PKP1: variants seen among roughly 807,000 people sequenced by gnomAD.
PKP1 encodes plakophilin-1.
A neutral mutation model predicts 76.4 loss-of-function variants in PKP1; 27 were observed. The observed-to-expected ratio is 0.35, with a 90% confidence interval of 0.26 to 0.49. The LOEUF (loss-of-function observed/expected upper bound fraction) is 0.49, where lower values mean the gene tolerates loss of function less well. Ranked by LOEUF, PKP1 falls within the 20% of genes least tolerant of loss-of-function variation. The pLI is 0.99. For synonymous variants in PKP1, 404 were observed against 384.2 expected (o/e 1.05, Z -0.60); for missense variants, 964 against 955.2 (o/e 1.01, Z -0.12).
intron 2 of PKP1, among the ~76,000 whole-genome samples, chr1:201,304,362 T>C (rs2102164565): frequency 6.6e-6 from 1 of 152,322 alleles, no homozygotes; most frequent in Middle Eastern, 3.4e-3. Flanking sequence ...AGAGTACCAC[T>C]AAGGGTGGCT....
chr1:201,317,551 G>C (rs200793425), intron 4 of PKP1, 21 bp from the exon 5 acceptor site: 2 of 1,603,882 alleles, frequency 1.2e-6, no homozygotes, highest in African/African-American at 2.7e-5. Flanking sequence ...ACCAGGCAGC[G>C]TGGCAACTCT....
chr1:201,318,350 C>T (rs547853990), intron 5 of PKP1, among the ~76,000 whole-genome samples: 2 of 152,334 alleles, frequency 1.3e-5, no homozygotes, highest in Non-Finnish European at 1.5e-5. Context: ...ATCAATCAAA[C>T]GTTTTTTGAT....
chr1:201,288,710 G>A (rs2268150), intron 1 of PKP1, among the ~76,000 whole-genome samples: 75,375 of 151,962 alleles, frequency 0.5, 21,047 homozygotes, highest in East Asian at 0.76. Context: ...ACCTGAACCC[G>A]TCAACCCTTG....
intron 12 of PKP1, among the ~76,000 whole-genome samples, chr1:201,327,031 G>A (rs1657145904): frequency 6.6e-6 from 1 of 152,212 alleles, no homozygotes; most frequent in African/African-American, 2.4e-5. Context: ...GAAGTCTCTG[G>A]AGCCGTCCAG....
intron 7 of PKP1, among the ~76,000 whole-genome samples, chr1:201,321,129 C>T (rs1053260298): frequency 6.6e-6 from 1 of 152,086 alleles, no homozygotes; most frequent in Non-Finnish European, 1.5e-5. Flanking sequence ...GCACAGTTGC[C>T]GTAAGGAGGG....
rs1407567667 is a variant in PKP1 at position 201,293,942 on chromosome 1, G to A, written c.203G>A (p.Gly68Asp). The A allele has an allele frequency of 3.1e-6, 5 of 1,607,708 alleles. No homozygotes were observed. In the East Asian group the frequency reaches 1.1e-4, roughly 36 times the overall value. Residue 68 changes from glycine to aspartate, a missense_variant and splice_region_variant, in exon 2 of 14, where the codon GGT becomes GAT. Coordinates refer to ENST00000367324, the MANE Select transcript of PKP1 (RefSeq NM_001005337.3). Reference sequence around the variant, plus strand: ...CCTAATCCCCTCCTTTCTCCTCTAGGTTCCATGTATGATGGCTTGGCTGAC... The same window carrying A: ...CCTAATCCCCTCCTTTCTCCTCTAGATTCCATGTATGATGGCTTGGCTGAC... ...QSSTLSHSNR[G>D]SMYDGLADNY...
chr1:201,324,056 A>G (rs1393488018), intron 9 of PKP1, among the ~76,000 whole-genome samples: 2 of 152,226 alleles, frequency 1.3e-5, no homozygotes, highest in African/African-American at 4.8e-5. Flanking sequence ...CCTTGACCAT[A>G]TAGTTTCACA....
rs954973948 is a variant in PKP1, at chr1:201,324,953, T to C, written c.1847T>C (p.Phe616Ser). ...GTTCCTCTCCCAGGGAACCAGGTGTTCCCGGAGGTGACCAGGCTCCTCACC... is the reference window on the plus strand; with the variant it reads ...GTTCCTCTCCCAGGGAACCAGGTGTCCCCGGAGGTGACCAGGCTCCTCACC... ...LLHRVMGNQV[F>S]PEVTRLLTSH... Residue 616 changes from phenylalanine to serine, a missense_variant, in exon 11 of 14, where the codon TTC (phenylalanine) becomes TCC (serine). By Grantham distance (155) the Phe-to-Ser change is radical (BLOSUM62 -2). Transcript: ENST00000367324. 1 of 1,613,410 alleles carries C rather than the reference T, an allele frequency of 6.2e-7. No homozygotes were observed. Among genetic ancestry groups the C allele is most frequent in the Non-Finnish European group, 8.5e-7 (1 of 1,179,976 alleles).
At chr1:201,303,114 A>C (rs1471799299) in intron 2 of PKP1, among the ~76,000 whole-genome samples, 1 of 152,254 alleles carries the variant, frequency 6.6e-6, no homozygotes, top group Non-Finnish European at 1.5e-5. Flanking sequence ...AATTTTTGCA[A>C]AATCATACCA....
intron 2 of PKP1, among the ~76,000 whole-genome samples, chr1:201,306,935 G>T (rs915925755): frequency 9.9e-5 from 15 of 152,208 alleles, no homozygotes; most frequent in African/African-American, 3.1e-4. Flanking sequence ...CTCCCAAAGT[G>T]CTGGGATTAC....
chr1:201,311,130 C>T (rs952900189), intron 2 of PKP1, among the ~76,000 whole-genome samples: 6 of 152,234 alleles, frequency 3.9e-5, no homozygotes, highest in Non-Finnish European at 8.8e-5. Flanking sequence ...TTAGCTGGCT[C>T]TTTGCCCTTT....
Position 201,286,881 on chromosome 1 carries a change from C to A in PKP1, c.202+2977C>A, listed in dbSNP as rs567146372. ...CTCCCTGAGGATGGGGAAGGAAACA[C>A]TTATCCACCTTCCAGATCTTTATAA... is the stretch of plus-strand genomic sequence containing the variant. On this transcript the variant is annotated intron_variant, in intron 1 of 13. Coordinates refer to ENST00000367324, the MANE Select transcript of PKP1 (RefSeq NM_001005337.3). 2.6e-5 allele frequency among the ~76,000 whole-genome samples: 4 copies of A among 152,274 alleles called. No homozygotes were observed. The South Asian group carries it at 8.3e-4, about 32-fold the overall frequency.
intron 12 of PKP1, chr1:201,328,456 A>G: frequency 2.3e-6 from 1 of 434,852 alleles, no homozygotes; most frequent in Non-Finnish European, 4.3e-6. Flanking sequence ...TCTGATTTTG[A>G]TTGTTGCTCT....
At chr1:201,291,211 T>G (rs929996186) in intron 1 of PKP1, among the ~76,000 whole-genome samples, 1 of 152,070 alleles carries the variant, frequency 6.6e-6, no homozygotes, top group African/African-American at 2.4e-5. Flanking sequence ...GCAGGTGTGA[T>G]GTTACCCTCA....
chr1:201,283,992 G>A, intron 1 of PKP1, 88 bp downstream of exon 1: 1 of 1,200,308 alleles, frequency 8.3e-7, no homozygotes, highest in Non-Finnish European at 1.2e-6. Flanking sequence ...ACGCATCCCC[G>A]GGGATGAGGG....
rs567575181 is a variant in PKP1 at position 201,327,032 on chromosome 1, AG to A, written c.2106+1195del. Among the ~76,000 whole-genome samples the A allele has an allele frequency of 1.4e-4, 22 of 152,304 alleles. No individual in the cohort carries two copies. The East Asian group carries it at 4.2e-3, about 29-fold the overall frequency. ...GATCCGGTGCTTCGGAAGTCTCTGG[AG>A]CCGTCCAGGAGCACTGCTGGCCAAG... On this transcript the variant is annotated intron_variant, in intron 12 of 13. Transcript: ENST00000367324.
chr1:201,296,923 C>T (rs1243609972), intron 2 of PKP1, among the ~76,000 whole-genome samples: 1 of 152,212 alleles, frequency 6.6e-6, no homozygotes, highest in African/African-American at 2.4e-5. Flanking sequence ...AAATATCAAA[C>T]CATTCTCAAA....
At chr1:201,321,061 G>GT (rs1420096620) in intron 7 of PKP1, among the ~76,000 whole-genome samples, 2 of 152,174 alleles carry the variant, frequency 1.3e-5, no homozygotes, top group Non-Finnish European at 2.9e-5. Flanking sequence ...AGATAGTGAG[G>GT]CCCAGCAGGC....
chr1:201,289,152 C>T (rs994959799), intron 1 of PKP1, among the ~76,000 whole-genome samples: 12 of 152,152 alleles, frequency 7.9e-5, no homozygotes, highest in Non-Finnish European at 1.8e-4. Context: ...GGAACCATCC[C>T]GCAGACACAG....
Sources: allele counts gnomAD v4.1 joint callset (sites outside exome capture counted in the v4.1 genomes callset), GRCh38; gene constraint gnomAD v4.1.1; transcripts MANE v1.5; gene names NCBI Gene and HGNC (gene_info 2026-07-23, HGNC 2026-07-21).